The following DOT1L variants were observed in gnomAD, a reference collection of about 807,000 sequenced individuals.
The protein encoded by DOT1L is histone-lysine N-methyltransferase, H3 lysine-79 specific.
DOT1L carries 33 observed loss-of-function variants against 153.3 expected under a neutral mutation model. The observed-to-expected ratio is 0.22, with a 90% CI of 0.16 to 0.29. The LOEUF is 0.29. DOT1L is among the 10% of genes least tolerant of loss of function. The probability of loss-of-function intolerance (pLI) is 1.00; values close to 1 mark genes in which losing one functional copy is unlikely to be tolerated. For synonymous variants in DOT1L, 1,135 were observed against 965.1 expected, an observed-to-expected ratio of 1.18 and a Z score of -3.26; for missense variants, 1,847 against 2,119.9, an observed-to-expected ratio of 0.87 and a Z score of 2.53.
Position 2,232,435 on chromosome 19 carries a change from C to T in DOT1L, c.*2643C>T. The T allele has an allele frequency of 4.6e-6, 1 of 217,866 alleles. No homozygotes were observed. Among genetic ancestry groups the T allele is most frequent in the East Asian group, 6.7e-5 (1 of 14,906 alleles). 13.5% of individuals were successfully genotyped at this position (217,866 alleles called of 1,614,324 possible). On this transcript the variant is annotated 3_prime_UTR_variant, in exon 28 of 28. Transcript: ENST00000398665. ...AGCCTTTGTAACGTGGGAGGCTCTGCCGTGTCTTCCGGGTGAACTGTATTT... is the reference window on the plus strand; with the variant it reads ...AGCCTTTGTAACGTGGGAGGCTCTGTCGTGTCTTCCGGGTGAACTGTATTT...
intron 7 of DOT1L, among the ~76,000 whole-genome samples, chr19:2,199,408 C>T (rs1309005372): frequency 3.3e-5 from 5 of 152,268 alleles, no homozygotes; most frequent in Admixed American, 6.5e-5. Context: ...GTGTCGCTGC[C>T]TGCCGCAGAG....
intron 1 of DOT1L, among the ~76,000 whole-genome samples, chr19:2,166,494 G>A (rs1399689436): frequency 7.3e-6 from 1 of 136,496 alleles, no homozygotes; most frequent in South Asian, 2.4e-4. Context: ...TCACTGCATC[G>A]TCTGCCTCCC....
At chr19:2,185,999 C>G in intron 3 of DOT1L, 70 bp downstream of exon 3, 1 of 1,450,942 alleles carries the variant, frequency 6.9e-7, no homozygotes, top group Non-Finnish European at 9.7e-7. Flanking sequence ...CAGGAGGACG[C>G]ATCCTATAAT....
In DOT1L at chr19:2,207,857, G is replaced by A. The variant is rs887547722; in HGVS notation, c.963+177G>A. Among the ~76,000 whole-genome samples, 9 of 152,108 alleles carry A rather than the reference G, an allele frequency of 5.9e-5. No individual in the cohort carries two copies. The highest frequency in any genetic ancestry group is 2.2e-4 in the African/African-American group (9 of 41,504). On this transcript the variant is annotated intron_variant, in intron 11 of 27. Coordinates refer to ENST00000398665, the MANE Select transcript of DOT1L (RefSeq NM_032482.3). The surrounding 1 kb of genome is among the most constrained non-coding windows in gnomAD (Gnocchi z 4.5). ...AAGGCCCCTCAGTACTGCTTGCACC[G>A]CAGGACCCACCAGGGTCCTCCCAGG...
intron 4 of DOT1L, among the ~76,000 whole-genome samples, 180 bp downstream of exon 4, chr19:2,189,975 C>T (rs1349549921): frequency 2.0e-5 from 3 of 152,146 alleles, no homozygotes; most frequent in Non-Finnish European, 4.4e-5. Flanking sequence ...CGAGGCTGGG[C>T]TGTGTGCTGT....
chr19:2,184,865 G>A (rs951422773), intron 2 of DOT1L, among the ~76,000 whole-genome samples: 5 of 152,164 alleles, frequency 3.3e-5, no homozygotes, highest in South Asian at 4.1e-4. Context: ...GTGCCGCTGC[G>A]GTTTCCTCAC....
Position 2,230,620 on chromosome 19 carries a change from GGAGA to G in DOT1L, c.*832_*835del. 5.0e-6 allele frequency: 2 copies of G among 398,648 alleles called. No individual in the cohort carries two copies. The highest frequency in any genetic ancestry group is 3.6e-5 in the East Asian group (1 of 28,084). 24.7% of individuals were successfully genotyped at this position (398,648 alleles called of 1,614,324 possible). The stretch of plus-strand genomic sequence containing the variant: ...GTGGGTCCCTTGGTGTTTCTGTACA[GGAGA>G]GAGTCACACTAATGAGTGGCAGTAT... On this transcript the variant is annotated 3_prime_UTR_variant, in exon 28 of 28. Transcript: ENST00000398665.
rs199523247 is a variant in DOT1L at position 2,229,771 on chromosome 19, G to A, written c.4607-14G>A. ...GTAACCTCAGGCCGCTCTTCCCGCT[G>A]TGCCCTTCTGCAGGTAACTAGGATT... On this transcript the variant is annotated splice_polypyrimidine_tract_variant and intron_variant, in intron 27 of 27. Coordinates refer to ENST00000398665, the MANE Select transcript of DOT1L (RefSeq NM_032482.3). The A allele has an allele frequency of 6.2e-7, 1 of 1,613,250 alleles. No homozygotes were observed. The highest frequency in any genetic ancestry group is 1.3e-5 in the African/African-American group (1 of 75,064).
chr19:2,185,980 T>C, intron 3 of DOT1L, 51 bp downstream of exon 3: 1 of 1,562,964 alleles, frequency 6.4e-7, no homozygotes, highest in Non-Finnish European at 8.8e-7. Context: ...ACTCGGCTCT[T>C]GGGGAGGACA....
chr19:2,172,301 T>G (rs909206487), intron 1 of DOT1L, among the ~76,000 whole-genome samples: 3 of 151,572 alleles, frequency 2.0e-5, no homozygotes, highest in Admixed American at 2.0e-4. Flanking sequence ...GTGATTCCCC[T>G]GCCTCAGCCT....
intron 4 of DOT1L, 139 bp downstream of exon 4, chr19:2,189,934 A>G: frequency 2.0e-6 from 2 of 978,406 alleles, no homozygotes; most frequent in East Asian, 2.6e-5. Context: ...TGGGGGGACG[A>G]TGGGCTGTGG....
chr19:2,216,871 T>C (rs2023924912), intron 20 of DOT1L, 84 bp from the exon 21 acceptor site: 3 of 1,560,560 alleles, frequency 1.9e-6, no homozygotes, highest in South Asian at 2.4e-5. Context: ...TTGAGGAGAC[T>C]GAGGTGGGGA....
rs1348148456 is a variant in DOT1L, at chr19:2,220,647, G to A, written c.2806+425G>A. ...GGTTCCTTGAGAAGGTGCCGCCTGA[G>A]CAGTCTCTGCTGTTAGCCCAGTTTC... On this transcript the variant is annotated intron_variant, in intron 23 of 27. Coordinates refer to ENST00000398665, the MANE Select transcript of DOT1L (RefSeq NM_032482.3). The surrounding 1 kb of genome is among the most constrained non-coding windows in gnomAD (Gnocchi z 4.5). The A allele has an allele frequency of 2.5e-6, 1 of 404,718 alleles. No individual in the cohort carries two copies. Among genetic ancestry groups the A allele is most frequent in the Admixed American group, 2.9e-5 (1 of 34,640 alleles). 25.1% of individuals were successfully genotyped at this position (404,718 alleles called of 1,614,324 possible). A position where few individuals can be genotyped will look rare whatever the true frequency, so the allele number is the denominator to read the frequency against.
intron 7 of DOT1L, 26 bp from the exon 8 acceptor site, chr19:2,199,858 G>C (rs200575059): frequency 1.9e-6 from 3 of 1,611,762 alleles, no homozygotes; most frequent in Non-Finnish European, 1.7e-6. Flanking sequence ...CCGGGGGTCC[G>C]CGCTCACACC....
At chr19:2,221,856 C>A (rs909149796) in intron 23 of DOT1L, 120 bp from the exon 24 acceptor site, 2 of 1,077,742 alleles carry the variant, frequency 1.9e-6, no homozygotes. Flanking sequence ...CTCCCAACCC[C>A]TTCCCCACTT....
chr19:2,184,592 TGGCTGC>T (rs1171847187), intron 2 of DOT1L, among the ~76,000 whole-genome samples: 5 of 152,130 alleles, frequency 3.3e-5, no homozygotes, highest in Non-Finnish European at 7.4e-5. Context: ...GCAGGCCAGG[TGGCTGC>T]GGAAGGTGGG....
Position 2,222,961 on chromosome 19 carries a change from G to C in DOT1L, c.3391-320G>C. 1 of 448,526 alleles carries C rather than the reference G, an allele frequency of 2.2e-6. No homozygotes were observed. Among genetic ancestry groups the C allele is most frequent in the Non-Finnish European group, 4.0e-6 (1 of 252,450 alleles). The allele number at this position is 448,526 out of a possible 1,614,324, so 27.8% of individuals were successfully genotyped here. A position where few individuals can be genotyped will look rare whatever the true frequency, so the allele number is the denominator to read the frequency against. ...GCCATCCTCCACCACGTGCGGCCTG[G>C]CAGCCTGGGAAGAGGCGGCCGACAG... On this transcript the variant is annotated intron_variant, in intron 24 of 27. Coordinates refer to ENST00000398665, the MANE Select transcript of DOT1L (RefSeq NM_032482.3). This position sits in a 1 kb window ranked among gnomAD's most constrained non-coding sequence, Gnocchi z 6.5.
intron 8 of DOT1L, among the ~76,000 whole-genome samples, chr19:2,200,405 C>T (rs766924853): frequency 1.3e-5 from 2 of 152,190 alleles, no homozygotes; most frequent in Non-Finnish European, 2.9e-5. Context: ...CGCGCCACCT[C>T]GCACCCAGGC....
Position 2,214,491 on chromosome 19 carries a change from G to T in DOT1L, c.1818G>T (p.Glu606Asp). The change falls in exon 19 of 28, where the codon GAG becomes GAT. Residue 606 changes from glutamate to aspartate, a missense_variant. Transcript: ENST00000398665. ...CTCAGCTCAAGGCTCGCTGCGAGGA[G>T]CTGCAGCTGGACTGGGCCACGCTGT... ...SLQLLKARCE[E>D]LQLDWATLSL... 1.9e-6 allele frequency: 3 copies of T among 1,613,056 alleles called. No homozygotes were observed. The highest frequency in any genetic ancestry group is 2.5e-6 in the Non-Finnish European group (3 of 1,179,896).
Sources: allele counts gnomAD v4.1 joint callset (sites outside exome capture counted in the v4.1 genomes callset), GRCh38; gene constraint gnomAD v4.1.1; non-coding constraint Gnocchi (gnomAD v3.1); transcripts MANE v1.5; gene names NCBI Gene and HGNC (gene_info 2026-07-23, HGNC 2026-07-21).